Variants in GALNT10 observed in about 807,000 individuals in gnomAD.
GALNT10 encodes the protein polypeptide N-acetylgalactosaminyltransferase 10, also known as GalNAc transferase 10.
In GALNT10, 41 loss-of-function variants were observed where a neutral mutation model predicts 75.0. The ratio of observed to expected loss-of-function variants is 0.55; its 90% CI spans 0.43 to 0.71. GALNT10 has a LOEUF of 0.71. Ranked by LOEUF, GALNT10 falls within the 30% of genes least tolerant of loss-of-function variation. The pLI is 0.00. For missense variants in GALNT10, 727 were observed against 818.5 expected (o/e 0.89, Z 1.36); for synonymous variants, 302 against 313.0 (o/e 0.96, Z 0.37).
intron 3 of GALNT10, among the ~76,000 whole-genome samples, chr5:154,306,078 A>G (rs1239369143): frequency 3.3e-5 from 5 of 152,210 alleles, no homozygotes. Context: ...TTATGAGATT[A>G]TGAGATTTCA....
At chr5:154,218,675 G>A (rs1752921175) in intron 1 of GALNT10, among the ~76,000 whole-genome samples, 1 of 152,088 alleles carries the variant, frequency 6.6e-6, no homozygotes, top group Admixed American at 6.5e-5. Flanking sequence ...CCACCTGGCA[G>A]CTTCCATTTT....
intron 6 of GALNT10, among the ~76,000 whole-genome samples, chr5:154,384,086 A>G (rs1421598678): frequency 6.6e-6 from 1 of 152,120 alleles, no homozygotes; most frequent in African/African-American, 2.4e-5. Context: ...ATGAGAACTC[A>G]CTCACTATCA....
At position 154,294,806 on chromosome 5, in the gene GALNT10, T is replaced by C. The variant is rs1299558595; in HGVS notation, c.160-10T>C. The C allele has an allele frequency of 6.8e-7, 1 of 1,478,200 alleles. No individual in the cohort carries two copies. The highest frequency in any genetic ancestry group is 1.1e-5 in the South Asian group (1 of 88,076). The allele number at this position is 1,478,200 out of a possible 1,614,324, so 91.6% of individuals were successfully genotyped here. A position where few individuals can be genotyped will look rare whatever the true frequency, so the allele number is the denominator to read the frequency against. The stretch of plus-strand genomic sequence containing the variant: ...TTTTCTATTTTTCATAGTTTTTGTC[T>C]TTTTTTAAGGGCTCACACAGTCGAC... On this transcript the variant is annotated splice_polypyrimidine_tract_variant and intron_variant, in intron 1 of 11. Coordinates refer to ENST00000297107, the MANE Select transcript of GALNT10 (RefSeq NM_198321.4).
At chr5:154,349,721 T>C (rs183102241) in intron 4 of GALNT10, 278 of 152,128 alleles carry the variant, frequency 1.8e-3, no homozygotes, top group African/African-American at 6.4e-3. Flanking sequence ...CAAGACCCCA[T>C]CTCTGAAAAA....
At chr5:154,345,113 A>G (rs1755100464) in intron 4 of GALNT10, among the ~76,000 whole-genome samples, 1 of 152,140 alleles carries the variant, frequency 6.6e-6, no homozygotes, top group African/African-American at 2.4e-5. Context: ...ACTTAATATA[A>G]TGAGCCAAAG....
chr5:154,335,628 G>C (rs994107888), intron 4 of GALNT10, among the ~76,000 whole-genome samples: 1 of 152,152 alleles, frequency 6.6e-6, no homozygotes, highest in Non-Finnish European at 1.5e-5. Context: ...TTTTGCCCCA[G>C]TGTTTTTTCT....
intron 1 of GALNT10, among the ~76,000 whole-genome samples, chr5:154,243,107 C>T (rs891690937): frequency 7.2e-5 from 11 of 151,856 alleles, no homozygotes; most frequent in African/African-American, 2.7e-4. Flanking sequence ...CTCCCATCTG[C>T]AAAATGAGAT....
chr5:154,231,262 T>A (rs1328252825), intron 1 of GALNT10, among the ~76,000 whole-genome samples: 3 of 152,214 alleles, frequency 2.0e-5, no homozygotes, highest in Non-Finnish European at 2.9e-5. Flanking sequence ...TCTTATTTTA[T>A]AAAATGGTAG....
intron 7 of GALNT10, among the ~76,000 whole-genome samples, chr5:154,390,802 C>T (rs1311217149): frequency 6.6e-6 from 1 of 152,210 alleles, no homozygotes; most frequent in Non-Finnish European, 1.5e-5. Flanking sequence ...GTTTCAAAGA[C>T]CCATCTACTG....
rs1320157043 is a variant in GALNT10, at chr5:154,412,321, C to A, written c.1387-568C>A. On this transcript the variant is annotated intron_variant, in intron 9 of 11. Coordinates refer to ENST00000297107, the MANE Select transcript of GALNT10 (RefSeq NM_198321.4). This position sits in a 1 kb window ranked among gnomAD's most constrained non-coding sequence, Gnocchi z 4.2. ...AGCCTAGGGCTTCAGACTCCTAGCC[C>A]AGTGCTCTTCCCACCACACCCGTCT... 6.6e-6 allele frequency among the ~76,000 whole-genome samples: 1 copy of A among 152,174 alleles called. No individual in the cohort carries two copies. The highest frequency in any genetic ancestry group is 1.5e-5 in the Non-Finnish European group (1 of 68,020).
chr5:154,307,627 A>G (rs1250352164), intron 3 of GALNT10, among the ~76,000 whole-genome samples: 1 of 151,738 alleles, frequency 6.6e-6, no homozygotes, highest in African/African-American at 2.4e-5. Flanking sequence ...CTCAAGAAAA[A>G]AAAAAAAAAG....
intron 4 of GALNT10, among the ~76,000 whole-genome samples, chr5:154,366,683 C>G (rs1370973731): frequency 6.6e-6 from 1 of 152,192 alleles, no homozygotes; most frequent in East Asian, 1.9e-4. Flanking sequence ...CCTCTGGAGT[C>G]TTTGGGAGAA....
intron 1 of GALNT10, among the ~76,000 whole-genome samples, chr5:154,286,952 G>A (rs1348563969): frequency 6.6e-6 from 1 of 152,190 alleles, no homozygotes; most frequent in Non-Finnish European, 1.5e-5. Context: ...TGAAAGTTAA[G>A]TTTTCTCAAA....
At chr5:154,274,702 G>A (rs1368299896) in intron 1 of GALNT10, among the ~76,000 whole-genome samples, 1 of 152,122 alleles carries the variant, frequency 6.6e-6, no homozygotes, top group African/African-American at 2.4e-5. Context: ...CAAATTGGTG[G>A]CCTGCTAGAT....
At position 154,190,960 on chromosome 5, in the gene GALNT10, C is replaced by G. The variant is rs1235996066; in HGVS notation, c.94C>G (p.Arg32Gly). Residue 32 changes from arginine (R) to glycine (G), a missense_variant, in exon 1 of 12, where the codon CGC becomes GGC. Arg to Gly is a moderately radical substitution (Grantham distance 125, BLOSUM62 -2). Transcript: ENST00000297107. ...CAACGTGGGGCTTTGGGCGCTGTAC[C>G]GCGAGCGGCAGCCCGACGGCACCCC... is the stretch of plus-strand genomic sequence containing the variant. Reference protein sequence around the residue: ...LPNVGLWALYRERQPDGTPGG... With the variant: ...LPNVGLWALYGERQPDGTPGG... 1 of 1,510,230 alleles carries G rather than the reference C, an allele frequency of 6.6e-7. No individual in the cohort carries two copies. Among genetic ancestry groups the G allele is most frequent in the South Asian group, 1.2e-5 (1 of 81,666 alleles). 93.6% of individuals were successfully genotyped at this position (1,510,230 alleles called of 1,614,324 possible).
chr5:154,391,933 A>G (rs995504934), intron 7 of GALNT10, among the ~76,000 whole-genome samples: 2 of 152,126 alleles, frequency 1.3e-5, no homozygotes, highest in Non-Finnish European at 2.9e-5. Context: ...TGCTGGCCCC[A>G]TGCCCATCCC....
chr5:154,295,823 A>G (rs1754264086), intron 2 of GALNT10, among the ~76,000 whole-genome samples: 1 of 152,248 alleles, frequency 6.6e-6, no homozygotes, highest in Admixed American at 6.5e-5. Context: ...AGGGTGCCAA[A>G]TAAAGCAATG....
At chr5:154,255,851 C>A (rs1753600556) in intron 1 of GALNT10, among the ~76,000 whole-genome samples, 1 of 151,420 alleles carries the variant, frequency 6.6e-6, no homozygotes, top group African/African-American at 2.4e-5. Context: ...CCCTCCCCTC[C>A]CCTCCCCTCT....
intron 1 of GALNT10, among the ~76,000 whole-genome samples, chr5:154,236,391 A>G (rs1464781571): frequency 6.6e-6 from 1 of 152,244 alleles, no homozygotes; most frequent in East Asian, 1.9e-4. Context: ...CACTAAATGT[A>G]TCCATCTTTA....
Sources: gnomAD v4.1 joint callset for allele counts (sites outside exome capture counted in the v4.1 genomes callset) on GRCh38, gnomAD v4.1.1 for gene constraint, Gnocchi (gnomAD v3.1) non-coding constraint, MANE v1.5 for transcripts, NCBI Gene and HGNC (gene_info 2026-07-23, HGNC 2026-07-21) for gene names.